MTUS2: variants seen among roughly 807,000 people sequenced by gnomAD.
MTUS2 encodes microtubule-associated tumor suppressor candidate 2.
MTUS2 carries 40 observed loss-of-function variants against 114.1 expected under a neutral mutation model. That is an observed-to-expected ratio of 0.35 (90% CI 0.27 to 0.46). The LOEUF (loss-of-function observed/expected upper bound fraction) is 0.46, where lower values mean the gene tolerates loss of function less well. Among genes scored for constraint, MTUS2 ranks in the 20% least tolerant of loss-of-function variants. The pLI, the probability that MTUS2 is intolerant of heterozygous loss-of-function variation, is 1.00. For missense variants in MTUS2, 1,679 were observed against 1,705.4 expected (o/e 0.98, Z 0.27); for synonymous variants, 688 against 672.0 (o/e 1.02, Z -0.37).
At chr13:29,234,177 A>AT (rs764315931) in intron 5 of MTUS2, among the ~76,000 whole-genome samples, 6 of 152,156 alleles carry the variant, frequency 3.9e-5, no homozygotes, top group Non-Finnish European at 7.3e-5. Flanking sequence ...ACACATAATA[A>AT]TTGATTTCGA....
intron 5 of MTUS2, among the ~76,000 whole-genome samples, chr13:29,281,387 C>CTG (rs755842647): frequency 4.0e-5 from 6 of 150,026 alleles, no homozygotes; most frequent in East Asian, 2.0e-4. Context: ...CATAAGCGAA[C>CTG]TGTGTGTGTG....
chr13:29,027,276 A>G (rs2138492858), intron 3 of MTUS2, among the ~76,000 whole-genome samples: 1 of 152,374 alleles, frequency 6.6e-6, no homozygotes, highest in Admixed American at 6.5e-5. Context: ...GTGTTCTTCA[A>G]ATAGATCAGA....
At chr13:28,895,223 A>G (rs1879194954) in intron 2 of MTUS2, among the ~76,000 whole-genome samples, 1 of 152,174 alleles carries the variant, frequency 6.6e-6, no homozygotes, top group African/African-American at 2.4e-5. Context: ...CTTAGAATGC[A>G]GTTTCATGGG....
intron 4 of MTUS2, among the ~76,000 whole-genome samples, chr13:29,048,140 A>G (rs1887721378): frequency 6.6e-6 from 1 of 152,214 alleles, no homozygotes. Context: ...TTTCTTATGC[A>G]GTATCTAATC....
intron 8 of MTUS2, among the ~76,000 whole-genome samples, chr13:29,392,336 T>G: frequency 6.6e-6 from 1 of 152,122 alleles, no homozygotes; most frequent in East Asian, 1.9e-4. Flanking sequence ...GTTTGTCTGC[T>G]TGTGACTGGC....
chr13:29,089,719 C>G (rs1889852955), intron 4 of MTUS2, among the ~76,000 whole-genome samples: 1 of 152,190 alleles, frequency 6.6e-6, no homozygotes. Context: ...CTTTCCTCAG[C>G]TTGGTCTATT....
chr13:29,399,557 A>C (rs1037092703), intron 8 of MTUS2, among the ~76,000 whole-genome samples: 4 of 152,230 alleles, frequency 2.6e-5, no homozygotes, highest in African/African-American at 9.7e-5. Flanking sequence ...TCAAAACTTA[A>C]TGGAGCTCAG....
intron 2 of MTUS2, among the ~76,000 whole-genome samples, chr13:28,898,383 C>CTTGTCTCAT (rs1478254027): frequency 2.6e-4 from 40 of 152,280 alleles, no homozygotes; most frequent in African/African-American, 7.7e-4. Context: ...GTCTCAGCTT[C>CTTGTCTCAT]ACCATATCAG....
intron 5 of MTUS2, among the ~76,000 whole-genome samples, chr13:29,231,564 G>GGTTATTTCT (rs1566080466): frequency 6.6e-6 from 1 of 152,146 alleles, no homozygotes; most frequent in African/African-American, 2.4e-5. Context: ...ATTTACAAAA[G>GGTTATTTCT]GTTATTTCTG....
At chr13:29,400,836 G>A (rs1279655467) in intron 8 of MTUS2, among the ~76,000 whole-genome samples, 1 of 152,140 alleles carries the variant, frequency 6.6e-6, no homozygotes, top group African/African-American at 2.4e-5. Context: ...TCAAATCTTT[G>A]CACTATGCTA....
At chr13:29,494,255 A>G (rs759172789) in intron 12 of MTUS2, among the ~76,000 whole-genome samples, 1 of 152,220 alleles carries the variant, frequency 6.6e-6, no homozygotes, top group Non-Finnish European at 1.5e-5. Flanking sequence ...TATTGTAATA[A>G]TAACAAGCAT....
chr13:29,258,222 G>C (rs895527154), intron 5 of MTUS2, among the ~76,000 whole-genome samples: 1 of 152,160 alleles, frequency 6.6e-6, no homozygotes, highest in Non-Finnish European at 1.5e-5. Flanking sequence ...AGATCATTGG[G>C]AGGATTCACA....
chr13:29,037,955 A>G, intron 4 of MTUS2, among the ~76,000 whole-genome samples: 1 of 152,216 alleles, frequency 6.6e-6, no homozygotes, highest in East Asian at 1.9e-4. Flanking sequence ...TTGGGTTAGA[A>G]CATGCTCCTT....
intron 9 of MTUS2, among the ~76,000 whole-genome samples, chr13:29,454,210 C>T (rs1001847708): frequency 6.6e-6 from 1 of 152,104 alleles, no homozygotes; most frequent in Non-Finnish European, 1.5e-5. Flanking sequence ...CGGTATGAAT[C>T]TGATGAAGAG....
At chr13:29,120,583 A>G (rs1891267441) in intron 5 of MTUS2, among the ~76,000 whole-genome samples, 2 of 152,174 alleles carry the variant, frequency 1.3e-5, no homozygotes, top group South Asian at 4.1e-4. Context: ...TAAGAAAAGA[A>G]AAAAGAATTT....
chr13:28,916,683 T>G (rs1232599798), intron 2 of MTUS2, among the ~76,000 whole-genome samples: 1 of 151,894 alleles, frequency 6.6e-6, no homozygotes, highest in Non-Finnish European at 1.5e-5. Flanking sequence ...GTCTTTAGGT[T>G]TTTTTCAAAT....
intron 7 of MTUS2, among the ~76,000 whole-genome samples, chr13:29,335,513 G>A (rs904788663): frequency 6.6e-5 from 10 of 151,978 alleles, no homozygotes; most frequent in Non-Finnish European, 1.3e-4. Flanking sequence ...CACCCTATTC[G>A]TACACTCCTT....
intron 4 of MTUS2, among the ~76,000 whole-genome samples, chr13:29,097,497 A>G (rs566081297): frequency 6.6e-6 from 1 of 152,214 alleles, no homozygotes; most frequent in East Asian, 1.9e-4. Flanking sequence ...TTTCTGTCAA[A>G]GTCTATATTC....
intron 2 of MTUS2, among the ~76,000 whole-genome samples, chr13:28,997,518 G>A (rs1885169590): frequency 6.6e-6 from 1 of 152,126 alleles, no homozygotes; most frequent in Non-Finnish European, 1.5e-5. Context: ...TTATTGTTTG[G>A]GAGCCTAAGT....
Sources: gnomAD v4.1 joint callset for allele counts (sites outside exome capture counted in the v4.1 genomes callset) on GRCh38, gnomAD v4.1.1 for gene constraint, MANE v1.5 for transcripts, NCBI Gene and HGNC (gene_info 2026-07-23, HGNC 2026-07-21) for gene names.